The following PIBF1 variants were observed in gnomAD, a reference collection of about 807,000 sequenced individuals.
PIBF1 encodes progesterone immunomodulatory binding factor 1.
A neutral mutation model predicts 112.5 loss-of-function variants in PIBF1; 90 were observed. That is an observed-to-expected ratio of 0.80 (90% confidence interval 0.67 to 0.95). The LOEUF (loss-of-function observed/expected upper bound fraction) is 0.95. PIBF1 is among the 40% of genes least tolerant of loss of function. PIBF1 has a pLI of 0.00. For missense variants in PIBF1, 915 were observed against 852.3 expected (o/e 1.07, Z -0.92); for synonymous variants, 301 against 288.6 (o/e 1.04, Z -0.44).
chr13:72,953,245 T>C (rs1203932475), intron 14 of PIBF1, among the ~76,000 whole-genome samples: 1 of 152,208 alleles, frequency 6.6e-6, no homozygotes, highest in Non-Finnish European at 1.5e-5. Flanking sequence ...TTTCCCCCTA[T>C]GAGCCCAGCA....
In PIBF1 at chr13:72,947,765, T is replaced by A. The variant is rs143979199; in HGVS notation, c.1833+16498T>A. Among the ~76,000 whole-genome samples the A allele has an allele frequency of 6.9e-3, 1,052 of 152,282 alleles. 12 individuals are homozygous for A. Among genetic ancestry groups the A allele is most frequent in the South Asian group, 0.021 (102 of 4,826 alleles). On this transcript the variant is annotated intron_variant, in intron 14 of 17. Coordinates refer to ENST00000326291, the MANE Select transcript of PIBF1 (RefSeq NM_006346.4). The stretch of plus-strand genomic sequence containing the variant: ...ATACCCAAAGGATTATAAATCATTC[T>A]AATATAAAAACACGTGTACGCATAT...
At chr13:72,949,927 T>A (rs1312402923) in intron 14 of PIBF1, among the ~76,000 whole-genome samples, 1 of 152,176 alleles carries the variant, frequency 6.6e-6, no homozygotes, top group Non-Finnish European at 1.5e-5. Context: ...AAAGTAAGAA[T>A]GATTATAAAG....
intron 10 of PIBF1, among the ~76,000 whole-genome samples, chr13:72,892,305 T>A (rs1272489539): frequency 2.0e-5 from 3 of 152,128 alleles, no homozygotes; most frequent in African/African-American, 7.2e-5. Context: ...AAAACTGACA[T>A]TCACTTTAAA....
At chr13:72,840,320 T>C (rs941571719) in intron 9 of PIBF1, among the ~76,000 whole-genome samples, 1 of 152,200 alleles carries the variant, frequency 6.6e-6, no homozygotes, top group African/African-American at 2.4e-5. Context: ...TTTCCTGTTA[T>C]AAAACATGAA....
intron 14 of PIBF1, among the ~76,000 whole-genome samples, chr13:72,940,980 T>C (rs546398453): frequency 9.6e-4 from 146 of 152,320 alleles, no homozygotes; most frequent in Non-Finnish European, 4.3e-4. Context: ...CTCCCTTTTC[T>C]TCAGTAGTCT....
intron 2 of PIBF1, among the ~76,000 whole-genome samples, chr13:72,791,362 A>G (rs771315890): frequency 2.0e-4 from 31 of 152,090 alleles, no homozygotes; most frequent in South Asian, 1.0e-3. Flanking sequence ...CCTGAAATTC[A>G]TGTATTTTAA....
intron 9 of PIBF1, among the ~76,000 whole-genome samples, chr13:72,849,636 A>G (rs573207108): frequency 3.0e-4 from 45 of 152,314 alleles, no homozygotes; most frequent in African/African-American, 1.1e-3. Flanking sequence ...GCTTATTTTG[A>G]TTTCCCATCT....
intron 11 of PIBF1, among the ~76,000 whole-genome samples, chr13:72,902,027 C>T (rs914775968): frequency 4.2e-5 from 1 of 23,626 alleles, no homozygotes. Flanking sequence ...TGTGTGTATA[C>T]ACACACATGA....
At chr13:72,987,857 TA>T (rs1227750636) in intron 16 of PIBF1, among the ~76,000 whole-genome samples, 6,348 of 61,848 alleles carry the variant, frequency 0.1, 477 homozygotes, top group East Asian at 0.23. Context: ...TTTATTTATT[TA>T]TTTTTTTTTT....
intron 10 of PIBF1, among the ~76,000 whole-genome samples, chr13:72,863,793 A>G (rs1566374660): frequency 6.6e-6 from 1 of 152,240 alleles, no homozygotes; most frequent in Non-Finnish European, 1.5e-5. Flanking sequence ...ATCCCTCTGT[A>G]ATGACACTAT....
intron 17 of PIBF1, among the ~76,000 whole-genome samples, chr13:73,002,529 G>A (rs908744429): frequency 2.6e-5 from 4 of 152,128 alleles, no homozygotes; most frequent in African/African-American, 7.2e-5. Flanking sequence ...TTCCTGAGCA[G>A]TATGGGACTC....
intron 5 of PIBF1, among the ~76,000 whole-genome samples, chr13:72,803,930 A>G (rs1239027341): frequency 6.6e-6 from 1 of 152,164 alleles, no homozygotes; most frequent in Non-Finnish European, 1.5e-5. Context: ...TGAAATTGTC[A>G]GTTTTTCATT....
At chr13:72,915,099 A>T (rs2041037463) in intron 12 of PIBF1, among the ~76,000 whole-genome samples, 1 of 152,210 alleles carries the variant, frequency 6.6e-6, no homozygotes, top group African/African-American at 2.4e-5. Flanking sequence ...ATTGTAAGTG[A>T]TGCAGACATG....
chr13:72,834,973 A>G (rs2037291071), intron 8 of PIBF1, among the ~76,000 whole-genome samples: 2 of 152,204 alleles, frequency 1.3e-5, no homozygotes, highest in Non-Finnish European at 2.9e-5. Context: ...GTTTTGGAAG[A>G]TGAATAATTA....
intron 15 of PIBF1, among the ~76,000 whole-genome samples, chr13:72,966,798 A>G (rs1367834591): frequency 6.6e-6 from 1 of 151,858 alleles, no homozygotes; most frequent in African/African-American, 2.4e-5. Context: ...AGTCCCAGCC[A>G]CTCTGGAGGC....
chr13:72,823,908 G>A (rs963510880), intron 6 of PIBF1, among the ~76,000 whole-genome samples: 2 of 152,124 alleles, frequency 1.3e-5, no homozygotes, highest in African/African-American at 4.8e-5. Flanking sequence ...GGATTTGGGT[G>A]CTATGGTCAT....
chr13:72,929,162 A>G (rs1490766301), intron 13 of PIBF1, among the ~76,000 whole-genome samples: 4 of 152,358 alleles, frequency 2.6e-5, no homozygotes, highest in Admixed American at 2.6e-4. Flanking sequence ...ATGAAGAGTA[A>G]GAAAGCAAGA....
chr13:72,869,432 C>T (rs1231956324), intron 10 of PIBF1, among the ~76,000 whole-genome samples: 2 of 129,742 alleles, frequency 1.5e-5, no homozygotes, highest in African/African-American at 3.1e-5. Context: ...CACATGGACA[C>T]AGGAAGGGGA....
chr13:72,931,272 ATAACT>A lies in PIBF1; in HGVS notation c.1833+9_1833+13del, dbSNP rs369631616. The stretch of plus-strand genomic sequence containing the variant: ...GTAACACAGCTTTCACAAGAGGTAA[ATAACT>A]TAAAGAAACCCATATGAAGAATCAC... On this transcript the variant is annotated splice_donor_region_variant and intron_variant, in intron 14 of 17. Coordinates refer to ENST00000326291, the MANE Select transcript of PIBF1 (RefSeq NM_006346.4). 38 of 1,547,054 alleles carry A rather than the reference ATAACT, an allele frequency of 2.5e-5. No individual in the cohort carries two copies. The African/African-American group carries it at 3.1e-4, about 13-fold the overall frequency.
Sources: allele counts gnomAD v4.1 joint callset (sites outside exome capture counted in the v4.1 genomes callset), GRCh38; gene constraint gnomAD v4.1.1; transcripts MANE v1.5; gene names NCBI Gene and HGNC (gene_info 2026-07-23, HGNC 2026-07-21).